The following PDCD6 variants were observed in gnomAD, a reference collection of about 807,000 sequenced individuals.
PDCD6 encodes programmed cell death protein 6.
In PDCD6, 12 loss-of-function variants were observed where a neutral mutation model predicts 28.3. The observed-to-expected ratio is 0.42, with a 90% confidence interval of 0.27 to 0.69. The LOEUF (loss-of-function observed/expected upper bound fraction) is 0.69, where lower values mean the gene tolerates loss of function less well. Among genes scored for constraint, PDCD6 ranks in the 30% least tolerant of loss-of-function variants. The pLI is 0.22. For synonymous variants in PDCD6, 92 were observed against 108.0 expected, an observed-to-expected ratio of 0.85 and a Z score of 0.92; for missense variants, 226 against 269.9, an observed-to-expected ratio of 0.84 and a Z score of 1.14.
intron 2 of PDCD6, among the ~76,000 whole-genome samples, chr5:288,536 A>G (rs2126715609): frequency 6.6e-6 from 1 of 151,738 alleles, no homozygotes; most frequent in Admixed American, 6.6e-5. Flanking sequence ...ATTACCTTCC[A>G]GTTTAAAAAC....
intron 2 of PDCD6, among the ~76,000 whole-genome samples, chr5:287,634 A>T (rs144790759): frequency 0.017 from 2,592 of 152,314 alleles, 70 homozygotes; most frequent in African/African-American, 0.059. Flanking sequence ...AATAAAATAT[A>T]AATTGAAAAA....
chr5:302,866 G>A (rs1381429427), intron 2 of PDCD6, among the ~76,000 whole-genome samples: 5 of 151,076 alleles, frequency 3.3e-5, no homozygotes, highest in Admixed American at 6.6e-5. Flanking sequence ...GCTGGAGGGC[G>A]GATCATTGAG....
chr5:280,139 C>T (rs936693453), intron 2 of PDCD6, among the ~76,000 whole-genome samples: 4 of 151,734 alleles, frequency 2.6e-5, no homozygotes, highest in African/African-American at 9.7e-5. Context: ...ACCATGTGTT[C>T]ATCCACCTGA....
chr5:279,132 A>G (rs1442101734), intron 2 of PDCD6, among the ~76,000 whole-genome samples: 2 of 152,114 alleles, frequency 1.3e-5, no homozygotes, highest in African/African-American at 4.8e-5. Flanking sequence ...GAAGAATTCC[A>G]GTGTGGGGAC....
At chr5:276,115 G>C (rs1356635181) in intron 2 of PDCD6, 5 of 981,824 alleles carry the variant, frequency 5.1e-6, no homozygotes, top group African/African-American at 1.7e-5. Context: ...TGTATTCCCA[G>C]CTACTTGGGA....
Position 311,249 on chromosome 5 carries a change from C to T in PDCD6, c.368-44C>T, listed in dbSNP as rs557839530. ...AGGGGTGAGTGTTGGCACATACCTC[C>T]CGTCTCTCCCAGCCTTCTCTGACTC... On this transcript the variant is annotated intron_variant, in intron 4 of 5. Coordinates refer to ENST00000264933, the MANE Select transcript of PDCD6 (RefSeq NM_013232.4). 2.3e-5 allele frequency: 34 copies of T among 1,454,288 alleles called. No individual in the cohort carries two copies. In the Admixed American group the frequency reaches 5.6e-4, roughly 24 times the overall value. The allele number at this position is 1,454,288 out of a possible 1,614,324, so 90.1% of individuals were successfully genotyped here.
At chr5:277,134 G>T (rs1301909765) in intron 2 of PDCD6, among the ~76,000 whole-genome samples, 1 of 151,950 alleles carries the variant, frequency 6.6e-6, no homozygotes, top group Non-Finnish European at 1.5e-5. Flanking sequence ...GTTTTTTTAT[G>T]TGTGTTTTTG....
chr5:304,551 C>T (rs1740344477), intron 3 of PDCD6: 1 of 156,266 alleles, frequency 6.4e-6, no homozygotes. Flanking sequence ...ATAGACATTG[C>T]TTATTTATTT....
intron 2 of PDCD6, among the ~76,000 whole-genome samples, chr5:299,800 T>G (rs151156530): frequency 6.6e-6 from 1 of 152,288 alleles, no homozygotes; most frequent in South Asian, 2.1e-4. Flanking sequence ...CCGCCCGCCT[T>G]GGCCTCCCAA....
At chr5:276,528 T>TG in intron 2 of PDCD6, 1 of 976,308 alleles carries the variant, frequency 1.0e-6, no homozygotes. Flanking sequence ...CTCAAACTCC[T>TG]AGGCTCAAGT....
At chr5:309,570 CCCG>C (rs1367474819) in intron 4 of PDCD6, 1 of 242,046 alleles carries the variant, frequency 4.1e-6, no homozygotes, top group Non-Finnish European at 8.2e-6. Context: ...GACCTCTGTC[CCCG>C]TGCACCCCAG....
intron 2 of PDCD6, among the ~76,000 whole-genome samples, chr5:274,926 G>A (rs539811057): frequency 8.9e-4 from 136 of 152,208 alleles, no homozygotes; most frequent in South Asian, 7.5e-3. Context: ...ATTGCCTGAT[G>A]GGTGCTGAGT....
intron 1 of PDCD6, among the ~76,000 whole-genome samples, chr5:272,041 TCCC>T (rs1260373979): frequency 6.7e-6 from 1 of 150,244 alleles, no homozygotes; most frequent in Non-Finnish European, 1.5e-5. Flanking sequence ...CCCCGCGGTC[TCCC>T]CCGTCCGCTG....
intron 2 of PDCD6, among the ~76,000 whole-genome samples, chr5:282,888 G>C (rs921447324): frequency 1.3e-5 from 2 of 150,992 alleles, no homozygotes; most frequent in Non-Finnish European, 2.9e-5. Context: ...CTGAAGTCTC[G>C]GGGATGAGCT....
chr5:290,178 A>T, intron 2 of PDCD6: 2 of 1,592,528 alleles, frequency 1.3e-6, no homozygotes, highest in Non-Finnish European at 1.7e-6. Context: ...GTTTGAAAAT[A>T]AAATAGCCTT....
At chr5:299,737 G>T (rs1005203760) in intron 2 of PDCD6, among the ~76,000 whole-genome samples, 13 of 152,232 alleles carry the variant, frequency 8.5e-5, no homozygotes, top group Admixed American at 1.3e-4. Flanking sequence ...TTTTAGTAGA[G>T]ATGGGGTTTC....
At chr5:292,816 C>G (rs1367663190) in intron 2 of PDCD6, among the ~76,000 whole-genome samples, 1 of 152,298 alleles carries the variant, frequency 6.6e-6, no homozygotes, top group African/African-American at 2.4e-5. Context: ...ACAGAGGAAC[C>G]ATGGGATCTC....
rs573854484 is a variant in PDCD6 at position 296,626 on chromosome 5, G to A, written c.164-7551G>A. Among the ~76,000 whole-genome samples the A allele has an allele frequency of 4.0e-4, 61 of 152,262 alleles. 1 individual carries two copies. The highest frequency in any genetic ancestry group is 1.4e-3 in the African/African-American group (60 of 41,550). On this transcript the variant is annotated intron_variant, in intron 2 of 5. Coordinates refer to ENST00000264933, the MANE Select transcript of PDCD6 (RefSeq NM_013232.4). Reference sequence around the variant, plus strand: ...CGCTGCTAATTAATTGATTTATGTCGAGCTCAAAGTAGTCCACATCAAAAA... The same window carrying A: ...CGCTGCTAATTAATTGATTTATGTCAAGCTCAAAGTAGTCCACATCAAAAA...
At chr5:277,301 A>ATTTTTTTTT (rs74799424) in intron 2 of PDCD6, among the ~76,000 whole-genome samples, 2 of 86,196 alleles carry the variant, frequency 2.3e-5, no homozygotes, top group African/African-American at 9.8e-5. Flanking sequence ...AATTTTTTGT[A>ATTTTTTTTT]TTTTTTTTTT....
Sources: allele counts gnomAD v4.1 joint callset (sites outside exome capture counted in the v4.1 genomes callset), GRCh38; gene constraint gnomAD v4.1.1; transcripts MANE v1.5; gene names NCBI Gene and HGNC (gene_info 2026-07-23, HGNC 2026-07-21).